The following HLA-DQA2 variants were observed in gnomAD, a reference collection of about 807,000 sequenced individuals.
HLA-DQA2 encodes the protein major histocompatibility complex, class II, DQ alpha 2.
HLA-DQA2 carries 17 observed loss-of-function variants against 21.0 expected under a neutral mutation model. That is an observed-to-expected ratio of 0.81 (90% CI 0.56 to 1.22). The LOEUF (loss-of-function observed/expected upper bound fraction) is 1.22. HLA-DQA2 is among the 50% of genes most tolerant of loss of function. The probability of loss-of-function intolerance (pLI) is 0.00; values close to 1 mark genes in which losing one functional copy is unlikely to be tolerated. For synonymous variants in HLA-DQA2, 81 were observed against 116.5 expected (o/e 0.70, Z 1.96); for missense variants, 239 against 308.8 (o/e 0.77, Z 1.69).
At position 32,746,676 on chromosome 6, in the gene HLA-DQA2, A is replaced by G; in HGVS notation, c.*115A>G. On this transcript the variant is annotated 3_prime_UTR_variant, in exon 5 of 5. Transcript: ENST00000374940. The stretch of plus-strand genomic sequence containing the variant: ...TTATCATATCCCTTTTCTCCTCCAA[A>G]TGTTTCTTCTCTCACCTCTTCTCTG... The G allele has an allele frequency of 1.5e-6, 1 of 666,318 alleles. No homozygotes were observed. The highest frequency in any genetic ancestry group is 2.1e-5 in the Admixed American group (1 of 48,722). 41.3% of individuals were successfully genotyped at this position (666,318 alleles called of 1,614,324 possible). A position where few individuals can be genotyped will look rare whatever the true frequency, so the allele number is the denominator to read the frequency against.
In HLA-DQA2 at chr6:32,745,149, C is replaced by T; in HGVS notation, c.83-10C>T. Reference sequence around the variant, plus strand: ...GTTCCACCCTCCTGCTTGTCACCTTCACTCGTCAGCTGACCATGTTGCCTC... The same window carrying T: ...GTTCCACCCTCCTGCTTGTCACCTTTACTCGTCAGCTGACCATGTTGCCTC... On this transcript the variant is annotated splice_polypyrimidine_tract_variant and intron_variant, in intron 1 of 4. Transcript: ENST00000374940. The T allele has an allele frequency of 1.9e-6, 3 of 1,611,548 alleles. No individual in the cohort carries two copies. The highest frequency in any genetic ancestry group is 1.7e-6 in the Non-Finnish European group (2 of 1,178,616).
At position 32,745,268 on chromosome 6, in the gene HLA-DQA2, G is replaced by A. The variant is rs148839152; in HGVS notation, c.192G>A (p.Thr64=). Residue 64 remains threonine (T), a synonymous_variant, in exon 2 of 5, where the codon ACG becomes ACA. Transcript: ENST00000374940. The stretch of plus-strand genomic sequence containing the variant: ...AGGAGTTCTATGTGGACCTGGAGAC[G>A]AAAGAGACTGTCTGGCAGTTGCCTA... The part of the protein sequence containing the change: ...GDEEFYVDLE[T]KETVWQLPMF... 77 of 1,613,972 alleles carry A rather than the reference G, an allele frequency of 4.8e-5. No homozygotes were observed. The highest frequency in any genetic ancestry group is 6.0e-5 in the Non-Finnish European group (71 of 1,180,026).
Position 32,746,899 on chromosome 6 carries a change from T to C in HLA-DQA2, c.*338T>C, listed in dbSNP as rs1763642111. 2 of 293,424 alleles carry C rather than the reference T, an allele frequency of 6.8e-6. No homozygotes were observed. Among genetic ancestry groups the C allele is most frequent in the Non-Finnish European group, 1.4e-5 (2 of 148,124 alleles). 18.2% of individuals were successfully genotyped at this position (293,424 alleles called of 1,614,324 possible). Reference sequence around the variant, plus strand: ...AATAAATTCCCTTTTGATGCCTCTATTGAATTTTTCCCATCTTTCATCTCA... The same window carrying C: ...AATAAATTCCCTTTTGATGCCTCTACTGAATTTTTCCCATCTTTCATCTCA... On this transcript the variant is annotated 3_prime_UTR_variant, in exon 5 of 5. Transcript: ENST00000374940.
chr6:32,746,166 C>A, intron 3 of HLA-DQA2, 74 bp from the exon 4 acceptor site: 1 of 1,590,698 alleles, frequency 6.3e-7, no homozygotes, highest in Non-Finnish European at 8.5e-7. Flanking sequence ...AGCCAGCCCT[C>A]CACCCCATCC....
Position 32,745,280 on chromosome 6 carries a change from C to G in HLA-DQA2, c.204C>G (p.Val68=). ...TGGACCTGGAGACGAAAGAGACTGT[C>G]TGGCAGTTGCCTATGTTTAGCAAAT... is the stretch of plus-strand genomic sequence containing the variant. ...FYVDLETKET[V]WQLPMFSKFI... is the part of the protein sequence containing the mutation. The change falls in exon 2 of 5, where the codon GTC becomes GTG. Residue 68 remains valine, a synonymous_variant. Transcript: ENST00000374940. The G allele has an allele frequency of 6.2e-7, 1 of 1,613,942 alleles. No homozygotes were observed. Among genetic ancestry groups the G allele is most frequent in the Non-Finnish European group, 8.5e-7 (1 of 1,179,962 alleles).
chr6:32,745,161 G>A lies in HLA-DQA2; in HGVS notation c.85G>A (p.Asp29Asn). The A allele has an allele frequency of 6.2e-7, 1 of 1,613,482 alleles. No homozygotes were observed. The highest frequency in any genetic ancestry group is 8.5e-7 in the Non-Finnish European group (1 of 1,179,702). ...SPCGGEDIVA[D>N]HVASYGVNFY... Reference sequence around the variant, plus strand: ...TGCTTGTCACCTTCACTCGTCAGCTGACCATGTTGCCTCCTATGGTGTGAA... The same window carrying A: ...TGCTTGTCACCTTCACTCGTCAGCTAACCATGTTGCCTCCTATGGTGTGAA... The change falls in exon 2 of 5, where the codon GAC becomes AAC. Residue 29 changes from aspartate to asparagine, a missense_variant and splice_region_variant. Asp to Asn is a conservative substitution (Grantham distance 23). Transcript: ENST00000374940.
chr6:32,741,775 G>T (rs1763233145), intron 1 of HLA-DQA2, among the ~76,000 whole-genome samples: 1 of 152,178 alleles, frequency 6.6e-6, no homozygotes, highest in Non-Finnish European at 1.5e-5. Flanking sequence ...ATAGCCTGGA[G>T]GTCTGTGTGG....
intron 1 of HLA-DQA2, among the ~76,000 whole-genome samples, chr6:32,743,673 A>G (rs995705847): frequency 3.9e-5 from 6 of 152,190 alleles, no homozygotes; most frequent in African/African-American, 1.4e-4. Context: ...TGTATTCCAC[A>G]TATATTCATG....
chr6:32,742,940 A>ACT (rs1220922879), intron 1 of HLA-DQA2, among the ~76,000 whole-genome samples: 6 of 139,378 alleles, frequency 4.3e-5, no homozygotes, highest in Non-Finnish European at 9.3e-5. Flanking sequence ...ATCTCGGCTC[A>ACT]CTGCAAGCTC....
chr6:32,746,470 AG>A, intron 4 of HLA-DQA2, 56 bp downstream of exon 4: 1 of 1,588,590 alleles, frequency 6.3e-7, no homozygotes, highest in Non-Finnish European at 8.6e-7. Context: ...GGAAAGTGGG[AG>A]GGGGTTGTGG....
intron 2 of HLA-DQA2, 55 bp downstream of exon 2, chr6:32,745,462 T>C: frequency 6.4e-7 from 1 of 1,561,878 alleles, no homozygotes. Context: ...CATACCAAGT[T>C]TTACTCCCTT....
chr6:32,741,608 T>C (rs1763220848), intron 1 of HLA-DQA2, 83 bp downstream of exon 1: 3 of 1,291,624 alleles, frequency 2.3e-6, no homozygotes, highest in Non-Finnish European at 3.3e-6. Context: ...TGCTAAGAAA[T>C]AGTAGAAATT....
chr6:32,741,638 A>G, intron 1 of HLA-DQA2, 113 bp downstream of exon 1: 1 of 1,020,636 alleles, frequency 9.8e-7, no homozygotes, highest in Non-Finnish European at 1.5e-6. Context: ...TCTTTTCAAT[A>G]TTAAGAAATT....
chr6:32,741,629 C>A (rs535612458), intron 1 of HLA-DQA2, 104 bp downstream of exon 1: 19 of 1,093,118 alleles, frequency 1.7e-5, no homozygotes, highest in South Asian at 2.7e-5. Context: ...TCCCAAGGGT[C>A]TTTTCAATAT....
chr6:32,741,488 T>C lies in HLA-DQA2; in HGVS notation c.45T>C (p.Thr15=), dbSNP rs200986700. The C allele has an allele frequency of 0.028, 30,986 of 1,105,418 alleles. No homozygotes were observed. Among genetic ancestry groups the C allele is most frequent in the East Asian group, 0.096 (2,390 of 24,960 alleles). 68.5% of individuals were successfully genotyped at this position (1,105,418 alleles called of 1,614,324 possible). A position where few individuals can be genotyped will look rare whatever the true frequency, so the allele number is the denominator to read the frequency against. The change falls in exon 1 of 5, where the codon ACT becomes ACC. Residue 15 remains threonine, a synonymous_variant. Transcript: ENST00000374940. ...TGCTGCTGGGGGCCCTCGCCCTGAC[T>C]GCCGTGATGAGCCCCTGTGGAGGTG... ...KALLLGALAL[T]AVMSPCGGED...
intron 1 of HLA-DQA2, among the ~76,000 whole-genome samples, chr6:32,743,359 C>T (rs1374390543): frequency 6.6e-6 from 1 of 152,194 alleles, no homozygotes; most frequent in African/African-American, 2.4e-5. Context: ...GTCAGTCTTC[C>T]CCAAAATCTA....
chr6:32,742,031 G>A (rs1257489755), intron 1 of HLA-DQA2, among the ~76,000 whole-genome samples: 6 of 152,180 alleles, frequency 3.9e-5, no homozygotes, highest in African/African-American at 7.2e-5. Context: ...GGCACAGGTG[G>A]GGAGTAGGTG....
chr6:32,744,169 C>T (rs1763401938), intron 1 of HLA-DQA2, among the ~76,000 whole-genome samples: 1 of 152,120 alleles, frequency 6.6e-6, no homozygotes, highest in Non-Finnish European at 1.5e-5. Context: ...GCAACCCCTG[C>T]TCTGTCTGAC....
chr6:32,744,585 C>T (rs570165764), intron 1 of HLA-DQA2, among the ~76,000 whole-genome samples: 1 of 151,974 alleles, frequency 6.6e-6, no homozygotes, highest in Non-Finnish European at 1.5e-5. Flanking sequence ...TATAATGTTG[C>T]TATTCTTGTA....
Sources: gnomAD v4.1 joint callset for allele counts (sites outside exome capture counted in the v4.1 genomes callset) on GRCh38, gnomAD v4.1.1 for gene constraint, MANE v1.5 for transcripts, NCBI Gene and HGNC (gene_info 2026-07-23, HGNC 2026-07-21) for gene names.